Variants in WDR17 observed in about 807,000 individuals in gnomAD.
WDR17 encodes WD repeat domain 17, also known as WD repeat-containing protein 17.
WDR17 carries 143 observed loss-of-function variants against 161.7 expected under a neutral mutation model. The ratio of observed to expected loss-of-function variants is 0.88; its 90% CI spans 0.77 to 1.02. WDR17 has a LOEUF of 1.02. Among genes scored for constraint, WDR17 ranks in the 50% least tolerant of loss-of-function variants. The pLI, the probability that WDR17 is intolerant of heterozygous loss-of-function variation, is 0.00. For synonymous variants in WDR17, 517 were observed against 515.6 expected (o/e 1.00, Z -0.04); for missense variants, 1,469 against 1,520.9 (o/e 0.97, Z 0.57).
At chr4:176,099,499 A>G (rs1737444142) in intron 1 of WDR17, among the ~76,000 whole-genome samples, 1 of 152,126 alleles carries the variant, frequency 6.6e-6, no homozygotes, top group Non-Finnish European at 1.5e-5. Flanking sequence ...TGCATATTAG[A>G]GAAGAATATC....
rs1024517505 is a variant in WDR17 at position 176,065,958 on chromosome 4, C to T, written c.-128C>T. The T allele has an allele frequency of 1.3e-5, 2 of 152,076 alleles. No individual in the cohort carries two copies. Among genetic ancestry groups the T allele is most frequent in the Admixed American group, 6.5e-5 (1 of 15,268 alleles). 9.4% of individuals were successfully genotyped at this position (152,076 alleles called of 1,614,324 possible). On this transcript the variant is annotated 5_prime_UTR_variant, in exon 1 of 29. Coordinates refer to ENST00000508596, the MANE Select transcript of WDR17 (RefSeq NM_181265.4). ...GGCCCGGCCGCCCCGCCCCCGGGCG[C>T]CCTGAGCGAGCAGGCGGGGAGGGCG...
intron 22 of WDR17, among the ~76,000 whole-genome samples, chr4:176,164,580 A>T (rs1469703919): frequency 1.3e-5 from 2 of 152,232 alleles, no homozygotes; most frequent in Admixed American, 1.3e-4. Context: ...AATCCAAAAA[A>T]GTCTGAAATC....
intron 12 of WDR17, among the ~76,000 whole-genome samples, chr4:176,147,554 AG>A (rs1184597259): frequency 1.3e-5 from 2 of 152,328 alleles, no homozygotes; most frequent in East Asian, 3.9e-4. Context: ...GTGACATTTC[AG>A]ATAATACCCA....
intron 1 of WDR17, among the ~76,000 whole-genome samples, chr4:176,097,114 A>G (rs1316868822): frequency 6.6e-6 from 1 of 152,016 alleles, no homozygotes; most frequent in Non-Finnish European, 1.5e-5. Context: ...GTGTTTTGAA[A>G]ATAGTATTCT....
chr4:176,089,439 C>T (rs778553597), intron 1 of WDR17, among the ~76,000 whole-genome samples: 6 of 152,078 alleles, frequency 3.9e-5, no homozygotes, highest in Non-Finnish European at 7.4e-5. Flanking sequence ...TTTTGATCCC[C>T]AGTTTATCAG....
intron 1 of WDR17, among the ~76,000 whole-genome samples, chr4:176,067,103 T>C (rs1732628097): frequency 6.6e-6 from 1 of 152,228 alleles, no homozygotes; most frequent in South Asian, 2.1e-4. Context: ...AAACAAACTC[T>C]GTGGAGAAAG....
At position 176,172,498 on chromosome 4, in the gene WDR17, G is replaced by T. The variant is rs1476472534; in HGVS notation, c.3226G>T (p.Gly1076Cys). Reference protein sequence around the residue: ...SQEPEKALPIGISFVKEYISS... With the variant: ...SQEPEKALPICISFVKEYISS... ...AGAACCTGAAAAAGCCCTTCCTATTGGTATTAGCTTTGTTAAAGGTAAGTA... is the reference window on the plus strand; with the variant it reads ...AGAACCTGAAAAAGCCCTTCCTATTTGTATTAGCTTTGTTAAAGGTAAGTA... Residue 1076 changes from glycine (G) to cysteine (C), a missense_variant, in exon 24 of 29, where the codon GGT (glycine) becomes TGT (cysteine). By Grantham distance (159) the Gly-to-Cys change is radical. Coordinates refer to ENST00000508596, the MANE Select transcript of WDR17 (RefSeq NM_181265.4). 1 of 1,593,216 alleles carries T rather than the reference G, an allele frequency of 6.3e-7. No homozygotes were observed. Among genetic ancestry groups the T allele is most frequent in the Admixed American group, 1.9e-5 (1 of 52,678 alleles).
intron 16 of WDR17, 95 bp downstream of exon 16, chr4:176,150,688 A>T (rs1238140335): frequency 1.6e-6 from 2 of 1,272,852 alleles, no homozygotes; most frequent in Admixed American, 6.1e-5. Flanking sequence ...ATATGATTAG[A>T]TCGGTAGATT....
intron 23 of WDR17, among the ~76,000 whole-genome samples, chr4:176,171,393 A>G (rs1750717219): frequency 6.6e-6 from 1 of 152,156 alleles, no homozygotes; most frequent in Non-Finnish European, 1.5e-5. Flanking sequence ...TACCTACCCT[A>G]TAGTAGTTGC....
At chr4:176,173,412 T>A (rs1254439113) in intron 25 of WDR17, 43 bp downstream of exon 25, 1 of 1,373,128 alleles carries the variant, frequency 7.3e-7, no homozygotes, top group Admixed American at 1.9e-5. Context: ...ATCTATTTGA[T>A]AATTTTAAAG....
chr4:176,132,920 T>G (rs937016248), intron 7 of WDR17, among the ~76,000 whole-genome samples: 1 of 151,656 alleles, frequency 6.6e-6, no homozygotes, highest in African/African-American at 2.4e-5. Flanking sequence ...CAGAATGACT[T>G]CTGTAGAATT....
chr4:176,118,468 A>G (rs1253115201), intron 3 of WDR17, among the ~76,000 whole-genome samples: 2 of 152,072 alleles, frequency 1.3e-5, no homozygotes, highest in Non-Finnish European at 1.5e-5. Context: ...CATTCAGCAA[A>G]TATTTATGGA....
chr4:176,169,203 C>T (rs1056575869), intron 23 of WDR17, among the ~76,000 whole-genome samples: 13 of 152,150 alleles, frequency 8.5e-5, no homozygotes, highest in Admixed American at 2.6e-4. Flanking sequence ...AACTTAGAAT[C>T]CTTAAAAGAA....
rs1748096656 is a variant in WDR17 at position 176,156,156 on chromosome 4, G to T, written c.2525+13G>T. ...AGTTAATGCAGAGGTAAGGCAGAGA[G>T]AGTCCGTGTTAAAACAGATGTTTTA... On this transcript the variant is annotated intron_variant, in intron 18 of 28. Transcript: ENST00000508596. 6.2e-7 allele frequency: 1 copy of T among 1,611,710 alleles called. No homozygotes were observed. Among genetic ancestry groups the T allele is most frequent in the East Asian group, 2.2e-5 (1 of 44,736 alleles).
At chr4:176,124,071 A>T (rs1349156692) in intron 4 of WDR17, among the ~76,000 whole-genome samples, 1 of 152,224 alleles carries the variant, frequency 6.6e-6, no homozygotes, top group Non-Finnish European at 1.5e-5. Context: ...CACACAGGAG[A>T]CATTTATTTC....
At chr4:176,096,507 G>C in intron 1 of WDR17, 1 of 1,598,676 alleles carries the variant, frequency 6.3e-7, no homozygotes, top group Non-Finnish European at 8.5e-7. Context: ...CTTGATTAAA[G>C]TAGAAACATT....
At chr4:176,094,595 C>T (rs751017827) in intron 1 of WDR17, among the ~76,000 whole-genome samples, 1 of 152,204 alleles carries the variant, frequency 6.6e-6, no homozygotes, top group African/African-American at 2.4e-5. Context: ...ACATATATTT[C>T]GGAAATACAT....
chr4:176,146,280 C>A, intron 12 of WDR17, 121 bp downstream of exon 12: 1 of 1,054,426 alleles, frequency 9.5e-7, no homozygotes, highest in Non-Finnish European at 1.3e-6. Context: ...GTCACCCAGG[C>A]TGGAATGCAG....
At chr4:176,084,771 A>T (rs967079541) in intron 1 of WDR17, among the ~76,000 whole-genome samples, 2 of 146,520 alleles carry the variant, frequency 1.4e-5, no homozygotes, top group Non-Finnish European at 3.0e-5. Context: ...TATATTATAT[A>T]TTATATATAT....
Sources: allele counts gnomAD v4.1 joint callset (sites outside exome capture counted in the v4.1 genomes callset), GRCh38; gene constraint gnomAD v4.1.1; transcripts MANE v1.5; gene names NCBI Gene and HGNC (gene_info 2026-07-23, HGNC 2026-07-21).